The following RBM46 variants were observed in gnomAD, a reference collection of about 807,000 sequenced individuals.
The protein encoded by RBM46 is probable RNA-binding protein 46.
In RBM46, 12 loss-of-function variants were observed where a neutral mutation model predicts 43.3. The ratio of observed to expected loss-of-function variants is 0.28; its 90% CI spans 0.18 to 0.45. RBM46 has a LOEUF of 0.45. Ranked by LOEUF, RBM46 falls within the 20% of genes least tolerant of loss-of-function variation. The pLI, the probability that RBM46 is intolerant of heterozygous loss-of-function variation, is 1.00. For synonymous variants in RBM46, 205 were observed against 207.6 expected (o/e 0.99, Z 0.11); for missense variants, 412 against 639.1 (o/e 0.64, Z 3.83).
intron 4 of RBM46, among the ~76,000 whole-genome samples, chr4:154,801,221 C>T (rs535707662): frequency 2.0e-5 from 3 of 152,226 alleles, no homozygotes; most frequent in South Asian, 2.1e-4. Context: ...TCAGGCGACC[C>T]GCCCTCCTCA....
chr4:154,816,863 T>G (rs1735469377), intron 4 of RBM46, among the ~76,000 whole-genome samples: 1 of 152,168 alleles, frequency 6.6e-6, no homozygotes, highest in Admixed American at 6.6e-5. Flanking sequence ...TCCTGCTTTG[T>G]ATGAGTTTTT....
At chr4:154,799,615 T>G in intron 4 of RBM46, 51 bp downstream of exon 4, 1 of 1,227,492 alleles carries the variant, frequency 8.1e-7, no homozygotes, top group Non-Finnish European at 1.1e-6. Context: ...TAGGAAATAC[T>G]GTAGATTATT....
intron 4 of RBM46, among the ~76,000 whole-genome samples, chr4:154,822,385 ATTTC>A (rs1436056434): frequency 1.3e-5 from 2 of 151,116 alleles, no homozygotes; most frequent in Admixed American, 6.6e-5. Context: ...AAGAAATTTC[ATTTC>A]TTTATTTCCT....
intron 4 of RBM46, among the ~76,000 whole-genome samples, chr4:154,802,846 G>A (rs1404301187): frequency 4.6e-5 from 7 of 151,518 alleles, no homozygotes; most frequent in Admixed American, 4.6e-4. Flanking sequence ...TGCTATTTTG[G>A]GAATTACCAT....
intron 1 of RBM46, among the ~76,000 whole-genome samples, chr4:154,784,593 T>C (rs1733668268): frequency 6.6e-6 from 1 of 152,206 alleles, no homozygotes; most frequent in African/African-American, 2.4e-5. Context: ...TTTGAAAGTC[T>C]ACAGTTTAGG....
intron 4 of RBM46, among the ~76,000 whole-genome samples, chr4:154,811,767 GC>G (rs1735193129): frequency 6.6e-6 from 1 of 150,876 alleles, no homozygotes; most frequent in South Asian, 2.1e-4. Context: ...TGCAACATCC[GC>G]CTCCCGGGTT....
intron 1 of RBM46, chr4:154,781,721 G>C (rs1578878542): frequency 6.6e-6 from 1 of 152,584 alleles, no homozygotes; most frequent in Non-Finnish European, 1.5e-5. Context: ...GGCCTCTTCC[G>C]CCCCGCGGCG....
chr4:154,790,895 T>C (rs1233059437), intron 1 of RBM46, among the ~76,000 whole-genome samples: 1 of 152,180 alleles, frequency 6.6e-6, no homozygotes, highest in African/African-American at 2.4e-5. Context: ...ATACTTGATA[T>C]AGGGTGGGGC....
intron 4 of RBM46, among the ~76,000 whole-genome samples, chr4:154,824,192 G>T (rs1290754340): frequency 6.6e-6 from 1 of 151,794 alleles, no homozygotes; most frequent in Non-Finnish European, 1.5e-5. Flanking sequence ...TGAGAGGTTG[G>T]AATGGGTATG....
rs567466436 is a variant in RBM46, at chr4:154,813,384, A to G, written c.1402+13820A>G. Among the ~76,000 whole-genome samples, 229 of 152,182 alleles carry G rather than the reference A, an allele frequency of 1.5e-3. 2 individuals carry two copies. The highest frequency in any genetic ancestry group is 6.8e-3 in the Middle Eastern group (2 of 294). Reference sequence around the variant, plus strand: ...AAACCCCTGAAATATAGACAGGGGCATATGGATGATTTTATATTGGATATG... The same window carrying G: ...AAACCCCTGAAATATAGACAGGGGCGTATGGATGATTTTATATTGGATATG... On this transcript the variant is annotated intron_variant, in intron 4 of 4. Transcript: ENST00000281722.
intron 4 of RBM46, chr4:154,820,236 T>C: frequency 2.2e-6 from 1 of 464,014 alleles, no homozygotes; most frequent in South Asian, 6.3e-5. Context: ...TCTTTTTCTC[T>C]AAATTTGTTT....
chr4:154,788,571 G>C (rs1265930406), intron 1 of RBM46, among the ~76,000 whole-genome samples: 8 of 152,200 alleles, frequency 5.3e-5, no homozygotes, highest in Admixed American at 5.2e-4. Flanking sequence ...CCAGTACCAT[G>C]CTGTTTTGGT....
intron 1 of RBM46, among the ~76,000 whole-genome samples, chr4:154,792,774 C>T (rs1207457433): frequency 6.6e-6 from 1 of 152,124 alleles, no homozygotes; most frequent in Non-Finnish European, 1.5e-5. Flanking sequence ...GAGCACCTGG[C>T]ATATTTGAGA....
chr4:154,819,009 A>G (rs1490084656), intron 4 of RBM46, among the ~76,000 whole-genome samples: 1 of 152,170 alleles, frequency 6.6e-6, no homozygotes, highest in African/African-American at 2.4e-5. Context: ...TTAATGATCT[A>G]AATACCCTGT....
At chr4:154,794,923 A>G (rs1185255530) in intron 1 of RBM46, among the ~76,000 whole-genome samples, 1 of 148,816 alleles carries the variant, frequency 6.7e-6, no homozygotes, top group African/African-American at 2.5e-5. Context: ...TTTTTTCCCC[A>G]TTAGAGTGTA....
intron 4 of RBM46, chr4:154,827,462 TCAAAGAAAAAAAAAAAG>T: frequency 1.0e-6 from 1 of 1,003,968 alleles, no homozygotes; most frequent in Non-Finnish European, 1.2e-6. Flanking sequence ...TAATACAGCT[TCAAAGAAAAAAAAAAAG>T]CAAATATGAA....
chr4:154,791,090 G>A (rs1039736103), intron 1 of RBM46, among the ~76,000 whole-genome samples: 55 of 152,204 alleles, frequency 3.6e-4, no homozygotes, highest in African/African-American at 1.3e-3. Context: ...AAACAGTTAA[G>A]TAGCATTTTC....
chr4:154,823,520 T>TA (rs1735817385), intron 4 of RBM46, among the ~76,000 whole-genome samples: 2 of 151,962 alleles, frequency 1.3e-5, no homozygotes, highest in East Asian at 3.9e-4. Flanking sequence ...GAGTCAAAAT[T>TA]AATTTGAGAA....
intron 4 of RBM46, among the ~76,000 whole-genome samples, chr4:154,808,446 AT>A (rs1452385484): frequency 6.6e-6 from 1 of 151,716 alleles, no homozygotes; most frequent in African/African-American, 2.4e-5. Flanking sequence ...CATTTACTTA[AT>A]TTTTTTCTTG....
Sources: gnomAD v4.1 joint callset for allele counts (sites outside exome capture counted in the v4.1 genomes callset) on GRCh38, gnomAD v4.1.1 for gene constraint, MANE v1.5 for transcripts, NCBI Gene and HGNC (gene_info 2026-07-23, HGNC 2026-07-21) for gene names.